The following FBN2 variants were observed in gnomAD, a reference collection of about 807,000 sequenced individuals.
FBN2 encodes fibrillin-2.
A neutral mutation model predicts 355.6 loss-of-function variants in FBN2; 105 were observed. That is an observed-to-expected ratio of 0.30 (90% CI 0.25 to 0.35). FBN2 has a LOEUF of 0.35. Among genes scored for constraint, FBN2 ranks in the 10% least tolerant of loss-of-function variants. The pLI, the probability that FBN2 is intolerant of heterozygous loss-of-function variation, is 1.00. For missense variants in FBN2, 3,280 were observed against 3,758.7 expected (o/e 0.87, Z 3.33); for synonymous variants, 1,350 against 1,301.2 (o/e 1.04, Z -0.81).
intron 48 of FBN2, among the ~76,000 whole-genome samples, chr5:128,297,919 T>G (rs1749574530): frequency 1.3e-5 from 2 of 152,014 alleles, no homozygotes; most frequent in Non-Finnish European, 2.9e-5. Context: ...TTGATGCAGT[T>G]TCTTCCTAGT....
intron 8 of FBN2, among the ~76,000 whole-genome samples, chr5:128,408,417 T>G (rs182931004): frequency 6.6e-6 from 1 of 152,320 alleles, no homozygotes; most frequent in Admixed American, 6.5e-5. Context: ...TTAAAAAATT[T>G]TTCTCGTGCC....
chr5:128,442,405 A>G (rs1432902265), intron 7 of FBN2: 6 of 455,786 alleles, frequency 1.3e-5, no homozygotes, highest in South Asian at 9.3e-5. Flanking sequence ...TTATTGTACA[A>G]AAGAAAAACG....
intron 6 of FBN2, among the ~76,000 whole-genome samples, chr5:128,453,623 T>C (rs1405013642): frequency 6.6e-6 from 1 of 152,222 alleles, no homozygotes; most frequent in Non-Finnish European, 1.5e-5. Context: ...CTTTTACTTA[T>C]GTTTTCTTTT....
intron 7 of FBN2, among the ~76,000 whole-genome samples, chr5:128,437,789 G>GT (rs1753809675): frequency 3.0e-5 from 4 of 134,810 alleles, no homozygotes; most frequent in South Asian, 4.4e-4. Flanking sequence ...TAGATAGATA[G>GT]ATAGATAGAT....
intron 31 of FBN2, among the ~76,000 whole-genome samples, chr5:128,333,944 T>C (rs1461410659): frequency 6.6e-6 from 1 of 151,418 alleles, no homozygotes; most frequent in African/African-American, 2.4e-5. Flanking sequence ...AATCTGCCCC[T>C]TACTGGAGGG....
chr5:128,452,185 G>C (rs1207694435), intron 6 of FBN2, among the ~76,000 whole-genome samples: 11 of 152,086 alleles, frequency 7.2e-5, no homozygotes, highest in Non-Finnish European at 1.3e-4. Flanking sequence ...TTCTACATCT[G>C]CAAAGTCCTA....
intron 5 of FBN2, among the ~76,000 whole-genome samples, chr5:128,495,058 C>T (rs1755619216): frequency 6.6e-6 from 1 of 152,076 alleles, no homozygotes; most frequent in African/African-American, 2.4e-5. Context: ...GGTTTACTGA[C>T]AATGTCTCGT....
chr5:128,455,990 C>CAAAAAAAAAAAAAAAAA lies in FBN2; in HGVS notation c.826+8717_826+8733dup, dbSNP rs70997371. On this transcript the variant is annotated intron_variant, in intron 6 of 64. Coordinates refer to ENST00000262464, the MANE Select transcript of FBN2 (RefSeq NM_001999.4). The stretch of plus-strand genomic sequence containing the variant: ...GAGCTCCTTGGGGGAGGGTTAGCAA[C>CAAAAAAAAAAAAAAAAA]AAAAAAAAAAAAAAAAAAAAAAAAA... Among the ~76,000 whole-genome samples, 13 of 25,276 alleles carry CAAAAAAAAAAAAAAAAA rather than the reference C, an allele frequency of 5.1e-4. 3 individuals carry two copies. Among genetic ancestry groups the CAAAAAAAAAAAAAAAAA allele is most frequent in the Non-Finnish European group, 9.5e-4 (12 of 12,632 alleles). 16.6% of individuals were successfully genotyped at this position (25,276 alleles called of 152,430 possible).
At chr5:128,303,148 A>G (rs1749767311) in intron 45 of FBN2, 59 bp from the exon 46 acceptor site, 1 of 974,730 alleles carries the variant, frequency 1.0e-6, no homozygotes, top group Non-Finnish European at 1.7e-6. Context: ...ATGGGCTATT[A>G]ACCGTTTTAT....
intron 14 of FBN2, 52 bp downstream of exon 14, chr5:128,376,679 A>G: frequency 6.2e-7 from 1 of 1,602,722 alleles, no homozygotes; most frequent in Non-Finnish European, 8.5e-7. Flanking sequence ...TCATTCAAAT[A>G]AAAAAGGTGG....
Position 128,417,941 on chromosome 5 carries a change from G to A in FBN2, c.953-9142C>T, listed in dbSNP as rs1753246790. 2.0e-5 allele frequency among the ~76,000 whole-genome samples: 3 copies of A among 152,094 alleles called. No homozygotes were observed. In the South Asian group the frequency reaches 6.2e-4, roughly 32 times the overall value. ...TATAATTTTGGTAGAATTTGGCAGT[G>A]AATACATCCAATCCTGGGCTTTTCT... On this transcript the variant is annotated intron_variant, in intron 7 of 64. Transcript: ENST00000262464.
chr5:128,309,226 A>T, intron 41 of FBN2, 21 bp downstream of exon 41: 1 of 1,613,514 alleles, frequency 6.2e-7, no homozygotes, highest in Non-Finnish European at 8.5e-7. Context: ...CAGTCAGCAG[A>T]TGCACGAGCC....
chr5:128,261,755 T>A lies in FBN2; in HGVS notation c.8345A>T (p.His2782Leu). The A allele has an allele frequency of 6.2e-7, 1 of 1,614,228 alleles. No homozygotes were observed. Among genetic ancestry groups the A allele is most frequent in the Non-Finnish European group, 8.5e-7 (1 of 1,180,024 alleles). The change falls in exon 64 of 65, where the codon CAT (histidine) becomes CTT (leucine). Residue 2782 changes from histidine to leucine, a missense_variant. By Grantham distance (99) the His-to-Leu change is moderately conservative. Transcript: ENST00000262464. Reference protein sequence around the residue: ...KKDSRQKRSIHEPDPTAVEQI... With the variant: ...KKDSRQKRSILEPDPTAVEQI... ...ACTCACAGCAGTGGGATCAGGTTCA[T>A]GAATACTTCTCTTCTGCCTGCTGTC...
At chr5:128,492,917 TA>T (rs958485689) in intron 5 of FBN2, among the ~76,000 whole-genome samples, 167 of 139,616 alleles carry the variant, frequency 1.2e-3, no homozygotes, top group South Asian at 3.9e-3. Flanking sequence ...GTGTAAAGCG[TA>T]AAAAAAAAAT....
intron 41 of FBN2, 80 bp from the exon 42 acceptor site, chr5:128,307,283 C>A: frequency 1.2e-6 from 1 of 856,526 alleles, no homozygotes. Flanking sequence ...CTTTCACAAA[C>A]AAATATATTT....
chr5:128,389,855 A>G (rs1279525623), intron 11 of FBN2, among the ~76,000 whole-genome samples: 1 of 152,138 alleles, frequency 6.6e-6, no homozygotes, highest in Admixed American at 6.5e-5. Flanking sequence ...CTCCTACTTC[A>G]GTCCAGGGTC....
At chr5:128,531,165 T>C (rs1402923913) in intron 2 of FBN2, among the ~76,000 whole-genome samples, 2 of 152,080 alleles carry the variant, frequency 1.3e-5, no homozygotes, top group Admixed American at 6.6e-5. Flanking sequence ...TGGTGATATA[T>C]ATATATAACT....
chr5:128,380,395 T>C (rs962395554), intron 11 of FBN2, among the ~76,000 whole-genome samples: 10 of 152,036 alleles, frequency 6.6e-5, no homozygotes, highest in African/African-American at 2.4e-4. Context: ...TTGAAGAACA[T>C]GAGAAACCAC....
intron 7 of FBN2, among the ~76,000 whole-genome samples, chr5:128,411,657 G>A (rs1054694598): frequency 6.6e-6 from 1 of 152,174 alleles, no homozygotes. Context: ...GTACAGGGTA[G>A]GGGATATGGT....
Sources: gnomAD v4.1 joint callset for allele counts (sites outside exome capture counted in the v4.1 genomes callset) on GRCh38, gnomAD v4.1.1 for gene constraint, MANE v1.5 for transcripts, NCBI Gene and HGNC (gene_info 2026-07-23, HGNC 2026-07-21) for gene names.